NALF1: variants seen among roughly 807,000 people sequenced by gnomAD.
NALF1 encodes the protein family with sequence similarity 155 member A.
NALF1 carries 3 observed loss-of-function variants against 48.4 expected under a neutral mutation model. The observed-to-expected ratio is 0.06, with a 90% confidence interval of 0.03 to 0.16. NALF1 has a LOEUF of 0.16. Ranked by LOEUF, NALF1 falls within the 10% of genes least tolerant of loss-of-function variation. The probability of loss-of-function intolerance (pLI) is 1.00; values close to 1 mark genes in which losing one functional copy is unlikely to be tolerated. For synonymous variants in NALF1, 262 were observed against 245.7 expected, an observed-to-expected ratio of 1.07 and a Z score of -0.62; for missense variants, 526 against 571.5, an observed-to-expected ratio of 0.92 and a Z score of 0.81.
chr13:107,228,473 G>C (rs1880153182), intron 1 of NALF1, among the ~76,000 whole-genome samples: 1 of 152,154 alleles, frequency 6.6e-6, no homozygotes, highest in Admixed American at 6.5e-5. Context: ...TGCAGGGTCG[G>C]GAGGGGTGAA....
At chr13:107,357,568 G>C (rs186195220) in intron 1 of NALF1, among the ~76,000 whole-genome samples, 4 of 152,290 alleles carry the variant, frequency 2.6e-5, no homozygotes. Flanking sequence ...TCTTCAGAGA[G>C]AGAGAAATTA....
At chr13:107,684,275 G>A (rs1263303290) in intron 1 of NALF1, among the ~76,000 whole-genome samples, 2 of 152,202 alleles carry the variant, frequency 1.3e-5, no homozygotes, top group Non-Finnish European at 2.9e-5. Context: ...CCTTGCTAAG[G>A]GGTCTCAGAA....
chr13:107,257,806 G>A (rs1172802624), intron 1 of NALF1, among the ~76,000 whole-genome samples: 3 of 152,260 alleles, frequency 2.0e-5, no homozygotes, highest in South Asian at 2.1e-4. Flanking sequence ...GGGGGGTGGT[G>A]ATGCAGCACT....
chr13:107,191,506 TA>T (rs896305150), intron 2 of NALF1, among the ~76,000 whole-genome samples: 1 of 152,114 alleles, frequency 6.6e-6, no homozygotes, highest in Non-Finnish European at 1.5e-5. Context: ...AGAAAATTTT[TA>T]AAAAATGTAA....
At chr13:107,403,578 A>G (rs1883849519) in intron 1 of NALF1, among the ~76,000 whole-genome samples, 1 of 151,944 alleles carries the variant, frequency 6.6e-6, no homozygotes, top group African/African-American at 2.4e-5. Flanking sequence ...AGTTTACATG[A>G]TATGTTCAAT....
rs1880744462 is a variant in NALF1, at chr13:107,866,721, CTCT to C, written c.-128_-126del. On this transcript the variant is annotated 5_prime_UTR_variant, in exon 1 of 3. Coordinates refer to ENST00000375915, the MANE Select transcript of NALF1 (RefSeq NM_001080396.3). This position sits in a 1 kb window ranked among gnomAD's most constrained non-coding sequence, Gnocchi z 4.4. Reference sequence around the variant, plus strand: ...CCTCCTCCCGTTTCTTCTCTCTCCTCTCTCTCTTTCTCTCTCTTCCCCTCTCCC... The same window carrying C: ...CCTCCTCCCGTTTCTTCTCTCTCCTCCTCTTTCTCTCTCTTCCCCTCTCCC... The C allele has an allele frequency of 3.4e-6, 1 of 296,800 alleles. No individual in the cohort carries two copies. The highest frequency in any genetic ancestry group is 7.7e-6 in the Non-Finnish European group (1 of 130,100). 18.4% of individuals were successfully genotyped at this position (296,800 alleles called of 1,614,324 possible).
chr13:107,739,892 A>T (rs1302044402), intron 1 of NALF1, among the ~76,000 whole-genome samples: 1 of 152,202 alleles, frequency 6.6e-6, no homozygotes, highest in Non-Finnish European at 1.5e-5. Context: ...GTTGTGTGCT[A>T]CTTATGAGAA....
intron 1 of NALF1, among the ~76,000 whole-genome samples, chr13:107,559,619 C>G (rs1877585487): frequency 6.6e-6 from 1 of 152,098 alleles, no homozygotes; most frequent in Non-Finnish European, 1.5e-5. Flanking sequence ...AACTACTCAT[C>G]AGGATAGACA....
At position 107,865,906 on chromosome 13, in the gene NALF1, G is replaced by A. The variant is rs770970719; in HGVS notation, c.691C>T (p.Leu231Phe). The change falls in exon 1 of 3, where the codon CTT (leucine) becomes TTT (phenylalanine). Residue 231 changes from leucine to phenylalanine, a missense_variant. Transcript: ENST00000375915. ...GACAACCCCGAGAACAACTCCCAAA[G>A]TGTGTAGGAATTACAAAACGAAAGG... is the stretch of plus-strand genomic sequence containing the variant. ...FYLSFCNSYT[L>F]WELFSGLSSP... 2 of 1,614,082 alleles carry A rather than the reference G, an allele frequency of 1.2e-6. No individual in the cohort carries two copies. Among genetic ancestry groups the A allele is most frequent in the Admixed American group, 1.7e-5 (1 of 60,016 alleles).
chr13:107,435,277 G>A (rs1046919473), intron 1 of NALF1, among the ~76,000 whole-genome samples: 62 of 152,028 alleles, frequency 4.1e-4, no homozygotes, highest in African/African-American at 1.4e-3. Flanking sequence ...AACCTTTTCC[G>A]GCTGTGGAGC....
chr13:107,264,346 A>G (rs79340234), intron 1 of NALF1, among the ~76,000 whole-genome samples: 2,782 of 152,286 alleles, frequency 0.018, 30 homozygotes, highest in Non-Finnish European at 0.029. Flanking sequence ...GAATTAACTA[A>G]CTTCTATCAG....
chr13:107,306,324 C>CT (rs1003533193), intron 1 of NALF1, among the ~76,000 whole-genome samples: 1 of 152,146 alleles, frequency 6.6e-6, no homozygotes, highest in Non-Finnish European at 1.5e-5. Context: ...CCATCTGCGG[C>CT]TGATGGGACA....
chr13:107,360,563 A>G (rs2138954348), intron 1 of NALF1, among the ~76,000 whole-genome samples: 1 of 152,234 alleles, frequency 6.6e-6, no homozygotes, highest in Admixed American at 6.5e-5. Context: ...CTCAACTTCA[A>G]CTCATACCAA....
At chr13:107,302,848 TCACA>T (rs916056389) in intron 1 of NALF1, among the ~76,000 whole-genome samples, 2 of 151,598 alleles carry the variant, frequency 1.3e-5, no homozygotes, top group Non-Finnish European at 2.9e-5. Flanking sequence ...TCTCACTCTC[TCACA>T]CACACACACA....
chr13:107,163,600 A>G lies in NALF1; in HGVS notation c.*6897T>C, dbSNP rs1878601515. The G allele has an allele frequency of 6.6e-6, 1 of 152,186 alleles. No homozygotes were observed. The highest frequency in any genetic ancestry group is 2.1e-4 in the South Asian group (1 of 4,828). The allele number at this position is 152,186 out of a possible 1,614,324, so 9.4% of individuals were successfully genotyped here. ...GATCCAAGGCATTTCTTTAGCTACT[A>G]ATATACTCCGGAATGTTCCTTTCCA... is the stretch of plus-strand genomic sequence containing the variant. On this transcript the variant is annotated 3_prime_UTR_variant, in exon 3 of 3. Coordinates refer to ENST00000375915, the MANE Select transcript of NALF1 (RefSeq NM_001080396.3).
At chr13:107,184,192 A>G (rs1410580433) in intron 2 of NALF1, among the ~76,000 whole-genome samples, 3 of 152,030 alleles carry the variant, frequency 2.0e-5, no homozygotes, top group Non-Finnish European at 2.9e-5. Flanking sequence ...AAAAAAAAAA[A>G]AGAGAAATCT....
chr13:107,662,056 G>A (rs1387786313), intron 1 of NALF1, among the ~76,000 whole-genome samples: 1 of 152,192 alleles, frequency 6.6e-6, no homozygotes, highest in Non-Finnish European at 1.5e-5. Context: ...AGTCAGGGTT[G>A]GAGGAGGACA....
At chr13:107,294,971 C>T (rs1379595110) in intron 1 of NALF1, among the ~76,000 whole-genome samples, 1 of 148,376 alleles carries the variant, frequency 6.7e-6, no homozygotes, top group African/African-American at 2.5e-5. Context: ...TGTTGCTACC[C>T]ATGTACTGAA....
At chr13:107,482,401 AC>A (rs915588848) in intron 1 of NALF1, among the ~76,000 whole-genome samples, 10 of 152,148 alleles carry the variant, frequency 6.6e-5, no homozygotes, top group African/African-American at 2.4e-4. Flanking sequence ...CGACTAATAC[AC>A]CCAGGGGCCT....
Sources: gnomAD v4.1 joint callset for allele counts (sites outside exome capture counted in the v4.1 genomes callset) on GRCh38, gnomAD v4.1.1 for gene constraint, Gnocchi (gnomAD v3.1) non-coding constraint, MANE v1.5 for transcripts, NCBI Gene and HGNC (gene_info 2026-07-23, HGNC 2026-07-21) for gene names.